The following DLC1 variants were observed in gnomAD, a reference collection of about 807,000 sequenced individuals.
DLC1 encodes the protein rho GTPase-activating protein 7.
A neutral mutation model predicts 140.3 loss-of-function variants in DLC1; 54 were observed. That is an observed-to-expected ratio of 0.38 (90% CI 0.31 to 0.48). The LOEUF is 0.48. Ranked by LOEUF, DLC1 falls within the 20% of genes least tolerant of loss-of-function variation. The pLI is 0.96. For missense variants in DLC1, 2,536 were observed against 1,907.0 expected (o/e 1.33, Z -6.14); for synonymous variants, 986 against 728.1 (o/e 1.35, Z -5.70).
chr8:13,476,029 TAGGAG>T (rs1800419641), intron 2 of DLC1, among the ~76,000 whole-genome samples: 1 of 152,194 alleles, frequency 6.6e-6, no homozygotes, highest in African/African-American at 2.4e-5. Flanking sequence ...TCTTAGGGCA[TAGGAG>T]AAGTAAGTAG....
At chr8:13,299,092 G>T (rs80269026) in intron 5 of DLC1, among the ~76,000 whole-genome samples, 1 of 151,972 alleles carries the variant, frequency 6.6e-6, no homozygotes, top group African/African-American at 2.4e-5. Context: ...TAAGTCATAA[G>T]GCTAGTATAT....
At chr8:13,209,479 A>G (rs1827834203) in intron 5 of DLC1, among the ~76,000 whole-genome samples, 1 of 152,106 alleles carries the variant, frequency 6.6e-6, no homozygotes, top group African/African-American at 2.4e-5. Context: ...AGCTTATTTG[A>G]GATTATAGAA....
chr8:13,117,803 T>C (rs1420428556), intron 5 of DLC1, among the ~76,000 whole-genome samples: 1 of 152,210 alleles, frequency 6.6e-6, no homozygotes, highest in Admixed American at 6.5e-5. Flanking sequence ...TAGATACCAA[T>C]TCACTAGCCA....
chr8:13,567,136 CT>C lies in DLC1; in HGVS notation c.-126+37400del, dbSNP rs756125886. 4 of 1,551,752 alleles carry C rather than the reference CT, an allele frequency of 2.6e-6. No individual in the cohort carries two copies. The South Asian group carries it at 4.8e-5, about 18-fold the overall frequency. On this transcript the variant is annotated intron_variant, in intron 1 of 1. Transcript: ENST00000631382. ...CTCTGGAGGACGGCAGTCCTCGCCCCTGACCTCTGGGAGCAAACTGGAGAGG... is the reference window on the plus strand; with the variant it reads ...CTCTGGAGGACGGCAGTCCTCGCCCCGACCTCTGGGAGCAAACTGGAGAGG...
chr8:13,357,171 C>T (rs1192736174), intron 4 of DLC1, among the ~76,000 whole-genome samples: 1 of 152,028 alleles, frequency 6.6e-6, no homozygotes, highest in Admixed American at 6.6e-5. Context: ...CTCGTGAGGC[C>T]AAGGCCCAGG....
chr8:13,437,329 T>C lies in DLC1; in HGVS notation c.1024-35710A>G, dbSNP rs1461091308. On this transcript the variant is annotated intron_variant, in intron 2 of 17. Coordinates refer to ENST00000276297, the MANE Select transcript of DLC1 (RefSeq NM_182643.3). ...ACATGCTGCTAGCCTTCTTTTAGCC[T>C]TCTTTTAGATGTATGTTGATTTCTT... Among the ~76,000 whole-genome samples, 4 of 152,350 alleles carry C rather than the reference T, an allele frequency of 2.6e-5. No individual in the cohort carries two copies. In the East Asian group the frequency reaches 7.7e-4, roughly 29 times the overall value.
intron 5 of DLC1, among the ~76,000 whole-genome samples, chr8:13,260,607 G>C (rs1019474775): frequency 2.0e-5 from 3 of 152,084 alleles, no homozygotes; most frequent in African/African-American, 7.2e-5. Context: ...TAAAGGTGAG[G>C]ATAGGACAAG....
At chr8:13,215,580 A>G (rs1409232513) in intron 5 of DLC1, among the ~76,000 whole-genome samples, 1 of 152,108 alleles carries the variant, frequency 6.6e-6, no homozygotes, top group Non-Finnish European at 1.5e-5. Flanking sequence ...AGAAGACCCT[A>G]TCTCAAAAAA....
chr8:13,578,963 G>T (rs1352464374), intron 1 of DLC1, among the ~76,000 whole-genome samples: 1 of 151,720 alleles, frequency 6.6e-6, no homozygotes, highest in Admixed American at 6.6e-5. Context: ...AAGTTCCAAC[G>T]TTTTATTACA....
rs760604715 is a variant in DLC1 at position 13,100,082 on chromosome 8, G to T, written c.2255C>A (p.Ala752Glu). The T allele has an allele frequency of 1.9e-6, 3 of 1,613,484 alleles. No homozygotes were observed. The East Asian group carries it at 6.7e-5, about 36-fold the overall frequency. Reference protein sequence around the residue: ...SSSSQSETSSAVSTPSPVTRT... With the variant: ...SSSSQSETSSEVSTPSPVTRT... Reference sequence around the variant, plus strand: ...CGTAACAGGGCTGGGCGTGCTGACCGCGCTGCTGGTCTCCGACTGGCTGCT... The same window carrying T: ...CGTAACAGGGCTGGGCGTGCTGACCTCGCTGCTGGTCTCCGACTGGCTGCT... Residue 752 changes from alanine (A) to glutamate (E), a missense_variant, in exon 9 of 18, where the codon GCG becomes GAG. Transcript: ENST00000276297.
At chr8:13,522,875 T>G (rs1802805875) in intron 1 of DLC1, among the ~76,000 whole-genome samples, 1 of 151,950 alleles carries the variant, frequency 6.6e-6, no homozygotes, top group African/African-American at 2.4e-5. Flanking sequence ...ACCATATAGA[T>G]ATCTTGGGTC....
At chr8:13,188,833 A>ATG (rs1826563319) in intron 5 of DLC1, among the ~76,000 whole-genome samples, 1 of 26,532 alleles carries the variant, frequency 3.8e-5, no homozygotes, top group Non-Finnish European at 7.6e-5. Context: ...ATATGTATAT[A>ATG]TATATATATA....
At chr8:13,588,524 G>T (rs954919339) in intron 1 of DLC1, among the ~76,000 whole-genome samples, 1 of 152,054 alleles carries the variant, frequency 6.6e-6, no homozygotes, top group Non-Finnish European at 1.5e-5. Context: ...TCCACTGCAA[G>T]AATTATAGCC....
At chr8:13,110,518 T>C (rs1352566639) in intron 7 of DLC1, among the ~76,000 whole-genome samples, 2 of 152,168 alleles carry the variant, frequency 1.3e-5, no homozygotes, top group Non-Finnish European at 2.9e-5. Flanking sequence ...TGGAATGCTA[T>C]TGTGTGAGTA....
intron 3 of DLC1, among the ~76,000 whole-genome samples, chr8:13,397,934 C>T (rs1478872871): frequency 2.0e-5 from 3 of 151,974 alleles, no homozygotes; most frequent in African/African-American, 4.8e-5. Flanking sequence ...AGATCGAGAC[C>T]ATCCTGGCCA....
At chr8:13,351,049 C>T (rs1037970807) in intron 4 of DLC1, among the ~76,000 whole-genome samples, 36 of 152,132 alleles carry the variant, frequency 2.4e-4, no homozygotes, top group African/African-American at 8.7e-4. Context: ...AATTTAGGGA[C>T]AGTTTTCATG....
intron 5 of DLC1, chr8:13,214,625 C>A: frequency 1.3e-6 from 1 of 777,760 alleles, no homozygotes; most frequent in Non-Finnish European, 2.4e-6. Context: ...CACACACCGG[C>A]CTAGGTGATG....
chr8:13,442,710 G>T (rs917772887), intron 2 of DLC1, among the ~76,000 whole-genome samples: 15 of 152,300 alleles, frequency 9.8e-5, no homozygotes, highest in Non-Finnish European at 1.9e-4. Flanking sequence ...AAACAACAGT[G>T]CTGGAGAGGA....
At chr8:13,129,105 T>C (rs552550212) in intron 5 of DLC1, among the ~76,000 whole-genome samples, 1 of 152,338 alleles carries the variant, frequency 6.6e-6, no homozygotes, top group African/African-American at 2.4e-5. Context: ...TAAACCCTTT[T>C]ACATTAACTG....
Sources: allele counts gnomAD v4.1 joint callset (sites outside exome capture counted in the v4.1 genomes callset), GRCh38; gene constraint gnomAD v4.1.1; transcripts MANE v1.5; gene names NCBI Gene and HGNC (gene_info 2026-07-23, HGNC 2026-07-21).